Variants in ATP9B observed in about 807,000 individuals in gnomAD.
The protein encoded by ATP9B is probable phospholipid-transporting ATPase IIB.
In ATP9B, 110 loss-of-function variants were observed where a neutral mutation model predicts 146.1. The ratio of observed to expected loss-of-function variants is 0.75; its 90% CI spans 0.65 to 0.88. ATP9B has a LOEUF of 0.88. Among genes scored for constraint, ATP9B ranks in the 40% least tolerant of loss-of-function variants. The pLI is 0.00. For missense variants in ATP9B, 1,499 were observed against 1,496.4 expected, an observed-to-expected ratio of 1.00 and a Z score of -0.03; for synonymous variants, 604 against 569.7, an observed-to-expected ratio of 1.06 and a Z score of -0.86.
rs368327753 is a variant in ATP9B, at chr18:79,307,077, G to A, written c.1616G>A (p.Ser539Asn). ...CCCAAAGTTAGGAAAAGTGTCAGTA[G>A]TCGAATCCATGAAGCCGTGAAAGCC... ...SAPKVRKSVSSRIHEAVKAIV... is the reference protein window; with the variant it reads ...SAPKVRKSVSNRIHEAVKAIV... Residue 539 changes from serine to asparagine, a missense_variant, in exon 15 of 30, where the codon AGT (serine) becomes AAT (asparagine). Transcript: ENST00000426216. The A allele has an allele frequency of 2.7e-5, 44 of 1,614,124 alleles. No individual in the cohort carries two copies. Among genetic ancestry groups the A allele is most frequent in the Non-Finnish European group, 3.5e-5 (41 of 1,180,058 alleles).
chr18:79,123,931 A>G (rs1402886185), intron 4 of ATP9B, among the ~76,000 whole-genome samples: 1 of 152,240 alleles, frequency 6.6e-6, no homozygotes, highest in Non-Finnish European at 1.5e-5. Flanking sequence ...GTCATTAGTC[A>G]GTAGAGGAAT....
intron 11 of ATP9B, among the ~76,000 whole-genome samples, chr18:79,229,067 A>G (rs1333168789): frequency 1.3e-5 from 2 of 152,208 alleles, no homozygotes; most frequent in Non-Finnish European, 2.9e-5. Context: ...AGCTCAGGCT[A>G]CAGTTCACAC....
chr18:79,232,261 A>G (rs1270154704), intron 11 of ATP9B, among the ~76,000 whole-genome samples: 1 of 152,200 alleles, frequency 6.6e-6, no homozygotes, highest in Non-Finnish European at 1.5e-5. Context: ...CAGACCCATT[A>G]AAAAACTGAG....
chr18:79,332,016 C>T (rs1426795212), intron 17 of ATP9B, among the ~76,000 whole-genome samples: 1 of 152,214 alleles, frequency 6.6e-6, no homozygotes, highest in Non-Finnish European at 1.5e-5. Context: ...TGCTGATAGC[C>T]TCCTGTTGAA....
At chr18:79,307,490 C>T (rs187709501) in intron 15 of ATP9B, 54 of 488,030 alleles carry the variant, frequency 1.1e-4, no homozygotes, top group African/African-American at 9.2e-4. Flanking sequence ...TCACAGGGAA[C>T]AGCATGAGAA....
At chr18:79,180,029 A>G (rs943800153) in intron 8 of ATP9B, among the ~76,000 whole-genome samples, 2 of 152,158 alleles carry the variant, frequency 1.3e-5, no homozygotes, top group African/African-American at 4.8e-5. Context: ...TATTCCTGGT[A>G]ATATTCTTTG....
intron 12 of ATP9B, among the ~76,000 whole-genome samples, chr18:79,271,991 G>T (rs946989106): frequency 3.3e-5 from 5 of 152,188 alleles, no homozygotes; most frequent in African/African-American, 1.2e-4. Context: ...GATGACCAGT[G>T]ATGATGAGCA....
intron 1 of ATP9B, among the ~76,000 whole-genome samples, chr18:79,076,248 G>C (rs2072601091): frequency 6.6e-6 from 1 of 152,046 alleles, no homozygotes; most frequent in Non-Finnish European, 1.5e-5. Flanking sequence ...TACCCTTTCT[G>C]CCCTTTCTGT....
intron 7 of ATP9B, among the ~76,000 whole-genome samples, chr18:79,163,752 G>T (rs1023173439): frequency 6.6e-6 from 1 of 151,742 alleles, no homozygotes; most frequent in South Asian, 2.1e-4. Context: ...ATATATATGC[G>T]TGTATAATAT....
At chr18:79,264,175 T>C (rs1417414532) in intron 12 of ATP9B, among the ~76,000 whole-genome samples, 1 of 152,220 alleles carries the variant, frequency 6.6e-6, no homozygotes, top group Non-Finnish European at 1.5e-5. Flanking sequence ...TTTAACTGTT[T>C]TTCAAAGTGT....
chr18:79,244,424 G>A (rs1042655542), intron 11 of ATP9B, among the ~76,000 whole-genome samples: 6 of 152,174 alleles, frequency 3.9e-5, no homozygotes, highest in African/African-American at 1.4e-4. Flanking sequence ...CACTAGAAAC[G>A]CATCAACTAA....
rs558859889 is a variant in ATP9B, at chr18:79,226,212, T to C, written c.1107+12174T>C. ...ATGTTTATGAAATGTAGGTTTGATA[T>C]GGTTCGTTCTTTGGCTAAAACTTCA... is the stretch of plus-strand genomic sequence containing the variant. On this transcript the variant is annotated intron_variant, in intron 11 of 29. Coordinates refer to ENST00000426216, the MANE Select transcript of ATP9B (RefSeq NM_198531.5). Among the ~76,000 whole-genome samples the C allele has an allele frequency of 3.3e-5, 5 of 152,366 alleles. No homozygotes were observed. In the South Asian group the frequency reaches 8.3e-4, roughly 25 times the overall value.
In ATP9B at chr18:79,286,529, G is replaced by A. The variant is rs1446249822; in HGVS notation, c.1411+9333G>A. Among the ~76,000 whole-genome samples, 18 of 152,206 alleles carry A rather than the reference G, an allele frequency of 1.2e-4. No homozygotes were observed. The East Asian group carries it at 3.1e-3, about 26-fold the overall frequency. ...TAAGGAGATTTTGGGCTGAGACGAT[G>A]GGGTTTTCTAGATATACAATCATGT... On this transcript the variant is annotated intron_variant, in intron 13 of 29. Transcript: ENST00000426216.
At position 79,303,812 on chromosome 18, in the gene ATP9B, G is replaced by T. The variant is rs763501506; in HGVS notation, c.1524+96G>T. 75 of 756,800 alleles carry T rather than the reference G, an allele frequency of 9.9e-5. No homozygotes were observed. The East Asian group carries it at 1.9e-3, about 19-fold the overall frequency. The allele number at this position is 756,800 out of a possible 1,614,324, so 46.9% of individuals were successfully genotyped here. A position where few individuals can be genotyped will look rare whatever the true frequency, so the allele number is the denominator to read the frequency against. On this transcript the variant is annotated intron_variant, in intron 14 of 29. Transcript: ENST00000426216. Reference sequence around the variant, plus strand: ...TGTGTTCCCATCTGTAAATTAGCACGCTTCTTGGTGGTCTTAACATCCTGC... The same window carrying T: ...TGTGTTCCCATCTGTAAATTAGCACTCTTCTTGGTGGTCTTAACATCCTGC...
At chr18:79,274,524 T>A (rs1219010492) in intron 12 of ATP9B, among the ~76,000 whole-genome samples, 1 of 152,206 alleles carries the variant, frequency 6.6e-6, no homozygotes, top group Non-Finnish European at 1.5e-5. Flanking sequence ...TATGTAGTAT[T>A]ACATACTCCC....
chr18:79,201,516 G>A (rs1462167922), intron 9 of ATP9B, among the ~76,000 whole-genome samples: 2 of 152,152 alleles, frequency 1.3e-5, no homozygotes, highest in African/African-American at 2.4e-5. Flanking sequence ...GGAGGCTGAG[G>A]TGGGAGTTGA....
chr18:79,285,045 A>G (rs1306014394), intron 13 of ATP9B, among the ~76,000 whole-genome samples: 2 of 151,674 alleles, frequency 1.3e-5, no homozygotes, highest in Admixed American at 6.6e-5. Flanking sequence ...GTTGGTTCCA[A>G]GTCTTTGCTA....
chr18:79,143,736 A>T, intron 5 of ATP9B, 66 bp from the exon 6 acceptor site: 1 of 989,760 alleles, frequency 1.0e-6, no homozygotes, highest in Non-Finnish European at 1.5e-6. Flanking sequence ...ATTATTTTTT[A>T]ATTGAAAGTT....
In ATP9B at chr18:79,224,395, G is replaced by C. The variant is rs77795963; in HGVS notation, c.1107+10357G>C. Among the ~76,000 whole-genome samples, 104 of 152,278 alleles carry C rather than the reference G, an allele frequency of 6.8e-4. 1 individual carries two copies. The East Asian group carries it at 0.018, about 26-fold the overall frequency. On this transcript the variant is annotated intron_variant, in intron 11 of 29. Coordinates refer to ENST00000426216, the MANE Select transcript of ATP9B (RefSeq NM_198531.5). ...AGAATGGGAAAGTGCTGGAACCTCTGTGGGGTGGAAAGCAAGTGGGCATGT... is the reference window on the plus strand; with the variant it reads ...AGAATGGGAAAGTGCTGGAACCTCTCTGGGGTGGAAAGCAAGTGGGCATGT...
Sources: gnomAD v4.1 joint callset for allele counts (sites outside exome capture counted in the v4.1 genomes callset) on GRCh38, gnomAD v4.1.1 for gene constraint, MANE v1.5 for transcripts, NCBI Gene and HGNC (gene_info 2026-07-23, HGNC 2026-07-21) for gene names.